Variants in PCDHGA11 observed in about 807,000 individuals in gnomAD.
PCDHGA11 encodes protocadherin gamma-A11.
In PCDHGA11, 39 loss-of-function variants were observed where a neutral mutation model predicts 60.4. The ratio of observed to expected loss-of-function variants is 0.65; its 90% CI spans 0.50 to 0.84. PCDHGA11 has a LOEUF of 0.84. Ranked by LOEUF, PCDHGA11 falls within the 40% of genes least tolerant of loss-of-function variation. The probability of loss-of-function intolerance (pLI) is 0.00; values close to 1 mark genes in which losing one functional copy is unlikely to be tolerated. For missense variants in PCDHGA11, 1,165 were observed against 1,197.7 expected (o/e 0.97, Z 0.40); for synonymous variants, 533 against 510.3 (o/e 1.04, Z -0.60).
chr5:141,428,367 G>C, intron 1 of PCDHGA11: 1 of 546,792 alleles, frequency 1.8e-6, no homozygotes, highest in South Asian at 1.9e-5. Context: ...CGGTCGCCTT[G>C]CACCTGCGAT....
Position 141,477,531 on chromosome 5 carries a change from C to G in PCDHGA11, c.2434-17276C>G. ...GTTTACATTGAAGAAAACAACCTCC[C>G]CGGGGCTCCAATACTAAACCTAAGT... On this transcript the variant is annotated intron_variant, in intron 1 of 3. Coordinates refer to ENST00000398587, the MANE Select transcript of PCDHGA11 (RefSeq NM_018914.3). This position sits in a 1 kb window ranked among gnomAD's most constrained non-coding sequence, Gnocchi z 4.9. The G allele has an allele frequency of 6.2e-7, 1 of 1,614,162 alleles. No homozygotes were observed. Among genetic ancestry groups the G allele is most frequent in the South Asian group, 1.1e-5 (1 of 91,086 alleles).
chr5:141,446,757 G>A (rs769049265), intron 1 of PCDHGA11, among the ~76,000 whole-genome samples: 10 of 152,158 alleles, frequency 6.6e-5, no homozygotes, highest in African/African-American at 1.4e-4. Context: ...GTGAGCCACC[G>A]CGCCCAGCCG....
chr5:141,474,500 C>G (rs183956979), intron 1 of PCDHGA11, among the ~76,000 whole-genome samples: 31 of 152,324 alleles, frequency 2.0e-4, no homozygotes, highest in African/African-American at 6.3e-4. Context: ...CTTCTAATGC[C>G]TATCAGCCCT....
intron 1 of PCDHGA11, among the ~76,000 whole-genome samples, chr5:141,484,764 A>G (rs1469048336): frequency 6.6e-6 from 1 of 151,806 alleles, no homozygotes; most frequent in African/African-American, 2.4e-5. Flanking sequence ...ATATATATAT[A>G]TGTTGTCTGC....
chr5:141,448,524 T>C (rs1177408162), intron 1 of PCDHGA11, among the ~76,000 whole-genome samples: 1 of 152,194 alleles, frequency 6.6e-6, no homozygotes, highest in Non-Finnish European at 1.5e-5. Context: ...TTATTAAGCA[T>C]CCTGTCAGCA....
intron 1 of PCDHGA11, among the ~76,000 whole-genome samples, chr5:141,454,343 A>G (rs1161350416): frequency 2.6e-5 from 4 of 152,248 alleles, no homozygotes; most frequent in African/African-American, 7.2e-5. Flanking sequence ...AAATGTTGGA[A>G]GTTGATCCAA....
chr5:141,448,152 C>T (rs1463599948), intron 1 of PCDHGA11, among the ~76,000 whole-genome samples: 1 of 151,984 alleles, frequency 6.6e-6, no homozygotes, highest in African/African-American at 2.4e-5. Flanking sequence ...CAGACTCACC[C>T]CTGAAAGATC....
At chr5:141,424,068 G>T in intron 1 of PCDHGA11, 1 of 993,858 alleles carries the variant, frequency 1.0e-6, no homozygotes. Flanking sequence ...TCACTGATTT[G>T]TAGTTATATT....
At position 141,422,375 on chromosome 5, in the gene PCDHGA11, T is replaced by G. The variant is rs2096644332; in HGVS notation, c.1148T>G (p.Val383Gly). The G allele has an allele frequency of 1.9e-6, 3 of 1,570,696 alleles. No homozygotes were observed. Among genetic ancestry groups the G allele is most frequent in the Admixed American group, 1.9e-5 (1 of 51,310 alleles). The change falls in exon 1 of 4, where the codon GTC (valine) becomes GGC (glycine). Residue 383 changes from valine (V) to glycine (G), a missense_variant. Physicochemically the swap from Val to Gly is moderately radical, Grantham distance 109 (BLOSUM62 -3). Transcript: ENST00000398587. ...CAAGATTCTGGAGAAAATGGTCAAGTCTCCTGTTTTATTCCTAACCACCTG... is the reference window on the plus strand; with the variant it reads ...CAAGATTCTGGAGAAAATGGTCAAGGCTCCTGTTTTATTCCTAACCACCTG... ...QDQDSGENGQ[V>G]SCFIPNHLPF...
intron 1 of PCDHGA11, among the ~76,000 whole-genome samples, chr5:141,463,534 C>T (rs866525322): frequency 2.6e-4 from 39 of 148,938 alleles, no homozygotes; most frequent in Admixed American, 7.5e-4. Flanking sequence ...CTAGAAACTC[C>T]GGCTCCCGGG....
intron 1 of PCDHGA11, among the ~76,000 whole-genome samples, chr5:141,461,604 T>G (rs1166575574): frequency 6.6e-6 from 1 of 152,228 alleles, no homozygotes; most frequent in Non-Finnish European, 1.5e-5. Context: ...TATAATTTAG[T>G]TCAAAGTATT....
rs143083513 is a variant in PCDHGA11 at position 141,431,088 on chromosome 5, T to C, written c.2433+7428T>C. On this transcript the variant is annotated intron_variant, in intron 1 of 3. Coordinates refer to ENST00000398587, the MANE Select transcript of PCDHGA11 (RefSeq NM_018914.3). This position sits in a 1 kb window ranked among gnomAD's most constrained non-coding sequence, Gnocchi z 4.8. The stretch of plus-strand genomic sequence containing the variant: ...TGTCAATTAAATCTAGACATTCTGA[T>C]GGAGGATAAAGTGAAAATATATGGA... 106 of 1,614,180 alleles carry C rather than the reference T, an allele frequency of 6.6e-5. 1 individual carries two copies. The highest frequency in any genetic ancestry group is 3.1e-4 in the East Asian group (14 of 44,890).
chr5:141,477,568 C>G lies in PCDHGA11; in HGVS notation c.2434-17239C>G. 1 of 1,614,172 alleles carries G rather than the reference C, an allele frequency of 6.2e-7. No individual in the cohort carries two copies. Among genetic ancestry groups the G allele is most frequent in the Non-Finnish European group, 8.5e-7 (1 of 1,180,044 alleles). On this transcript the variant is annotated intron_variant, in intron 1 of 3. Coordinates refer to ENST00000398587, the MANE Select transcript of PCDHGA11 (RefSeq NM_018914.3). The surrounding 1 kb of genome is among the most constrained non-coding windows in gnomAD (Gnocchi z 4.9). ...TACTAAACCTAAGTGTCTGGGACCC[C>G]GACGCCCCGCAGAATGCTCGGCTTT...
chr5:141,423,749 T>TG, intron 1 of PCDHGA11, 89 bp downstream of exon 1: 2 of 272,262 alleles, frequency 7.3e-6, no homozygotes, highest in Non-Finnish European at 4.7e-6. Flanking sequence ...TGAAAACTGT[T>TG]TGGGGGGGGG....
At chr5:141,441,102 C>G (rs1057297804) in intron 1 of PCDHGA11, 1 of 152,148 alleles carries the variant, frequency 6.6e-6, no homozygotes, top group East Asian at 1.9e-4. Context: ...GAGAGGGACT[C>G]ATTGTCCAGT....
intron 1 of PCDHGA11, chr5:141,426,609 G>A (rs1026143678): frequency 5.2e-6 from 2 of 382,862 alleles, no homozygotes; most frequent in African/African-American, 4.2e-5. Flanking sequence ...AGAGATTGTA[G>A]CAGAGAATCC....
chr5:141,435,910 G>T (rs1296707748), intron 1 of PCDHGA11, among the ~76,000 whole-genome samples: 2 of 152,112 alleles, frequency 1.3e-5, no homozygotes, highest in Non-Finnish European at 2.9e-5. Flanking sequence ...ACATCCAAGG[G>T]CTCTAAAATG....
chr5:141,485,964 T>A lies in PCDHGA11; in HGVS notation c.2434-8843T>A. 1 of 1,614,162 alleles carries A rather than the reference T, an allele frequency of 6.2e-7. No homozygotes were observed. The highest frequency in any genetic ancestry group is 8.5e-7 in the Non-Finnish European group (1 of 1,180,000). On this transcript the variant is annotated intron_variant, in intron 1 of 3. Transcript: ENST00000398587. The surrounding 1 kb of genome is among the most constrained non-coding windows in gnomAD (Gnocchi z 5.7). ...CCAGCGGGCATGGTGCTCATCCAGC[T>A]CAATGCCTCAGACCCGGACCTGGGT...
intron 2 of PCDHGA11, among the ~76,000 whole-genome samples, chr5:141,503,432 TA>T (rs1423418926): frequency 6.6e-6 from 1 of 151,668 alleles, no homozygotes; most frequent in African/African-American, 2.4e-5. Flanking sequence ...CCATCTCTAC[TA>T]AAAATACAAA....
Sources: allele counts gnomAD v4.1 joint callset (sites outside exome capture counted in the v4.1 genomes callset), GRCh38; gene constraint gnomAD v4.1.1; non-coding constraint Gnocchi (gnomAD v3.1); transcripts MANE v1.5; gene names NCBI Gene and HGNC (gene_info 2026-07-23, HGNC 2026-07-21).